Variants in CNTNAP4 observed in about 807,000 individuals in gnomAD.
CNTNAP4 encodes the protein contactin associated protein family member 4.
In CNTNAP4, 98 loss-of-function variants were observed where a neutral mutation model predicts 148.4. The ratio of observed to expected loss-of-function variants is 0.66; its 90% CI spans 0.56 to 0.78. The LOEUF (loss-of-function observed/expected upper bound fraction) is 0.78. Among genes scored for constraint, CNTNAP4 ranks in the 30% least tolerant of loss-of-function variants. CNTNAP4 has a pLI of 0.00. For synonymous variants in CNTNAP4, 730 were observed against 565.1 expected (o/e 1.29, Z -4.14); for missense variants, 1,935 against 1,565.6 (o/e 1.24, Z -3.98).
In CNTNAP4 at chr16:76,313,189, G is replaced by T. The variant is rs76453968; in HGVS notation, c.86-3224G>T. Among the ~76,000 whole-genome samples, 800 of 152,184 alleles carry T rather than the reference G, an allele frequency of 5.3e-3. 4 individuals carry two copies. The highest frequency in any genetic ancestry group is 0.013 in the African/African-American group (549 of 41,516). On this transcript the variant is annotated intron_variant, in intron 1 of 23. Transcript: ENST00000611870. ...GAACAATATTGATTCTTAATTTATA[G>T]TTGGCAAAAACAAATGAACAATAAA...
intron 13 of CNTNAP4, among the ~76,000 whole-genome samples, chr16:76,493,834 A>G (rs145013799): frequency 1.3e-5 from 2 of 152,306 alleles, no homozygotes; most frequent in East Asian, 3.9e-4. Context: ...CATGTATAGT[A>G]ACCCTGGGAG....
At chr16:76,421,690 GCTGA>G (rs67559674) in intron 3 of CNTNAP4, among the ~76,000 whole-genome samples, 55,843 of 151,726 alleles carry the variant, frequency 0.37, 10,418 homozygotes, top group Middle Eastern at 0.48. Context: ...CTGAATGTCA[GCTGA>G]CTATGTCAAA....
At chr16:76,289,575 C>A (rs765396922) in intron 1 of CNTNAP4, among the ~76,000 whole-genome samples, 14 of 146,178 alleles carry the variant, frequency 9.6e-5, no homozygotes, top group Admixed American at 2.7e-4. Context: ...CTTTTATTTT[C>A]CGCCTGTTTT....
At chr16:76,388,013 C>T (rs909504175) in intron 3 of CNTNAP4, among the ~76,000 whole-genome samples, 1 of 152,164 alleles carries the variant, frequency 6.6e-6, no homozygotes, top group Non-Finnish European at 1.5e-5. Flanking sequence ...TTGTCATTAA[C>T]GGGTGCTTGC....
chr16:76,464,126 A>G (rs1036557897), intron 9 of CNTNAP4, among the ~76,000 whole-genome samples: 4 of 152,138 alleles, frequency 2.6e-5, no homozygotes, highest in African/African-American at 9.7e-5. Flanking sequence ...TCTGCCCTGC[A>G]CTTCCCAGCC....
intron 8 of CNTNAP4, among the ~76,000 whole-genome samples, chr16:76,459,117 C>A (rs535652178): frequency 6.6e-6 from 1 of 152,258 alleles, no homozygotes; most frequent in East Asian, 1.9e-4. Flanking sequence ...TAGAGTCTTG[C>A]ACACAGGGCT....
chr16:76,346,520 G>T (rs1165094640), intron 2 of CNTNAP4, among the ~76,000 whole-genome samples: 4 of 151,388 alleles, frequency 2.6e-5, no homozygotes, highest in African/African-American at 9.7e-5. Flanking sequence ...TCCGATGCAT[G>T]ATGTCATTTA....
At chr16:76,401,483 A>C (rs1384382165) in intron 3 of CNTNAP4, among the ~76,000 whole-genome samples, 1 of 152,170 alleles carries the variant, frequency 6.6e-6, no homozygotes, top group Non-Finnish European at 1.5e-5. Context: ...GAATCATGTC[A>C]TCTGCAAACA....
chr16:76,500,592 T>G (rs1267111370), intron 15 of CNTNAP4, among the ~76,000 whole-genome samples: 1 of 82,178 alleles, frequency 1.2e-5, no homozygotes, highest in Non-Finnish European at 2.6e-5. Flanking sequence ...ATTTCACCTG[T>G]AAATCTCTTT....
At chr16:76,397,005 T>G (rs941235706) in intron 3 of CNTNAP4, among the ~76,000 whole-genome samples, 2 of 152,100 alleles carry the variant, frequency 1.3e-5, no homozygotes, top group African/African-American at 4.8e-5. Context: ...ACTCGATCAC[T>G]TGGGACTTAA....
At chr16:76,536,957 C>G (rs974722203) in intron 18 of CNTNAP4, among the ~76,000 whole-genome samples, 2 of 152,116 alleles carry the variant, frequency 1.3e-5, no homozygotes, top group Non-Finnish European at 2.9e-5. Flanking sequence ...TCCTGACTTA[C>G]AAAGAAAGCA....
At chr16:76,363,453 C>A (rs967194524) in intron 3 of CNTNAP4, among the ~76,000 whole-genome samples, 2 of 151,824 alleles carry the variant, frequency 1.3e-5, no homozygotes, top group African/African-American at 4.8e-5. Flanking sequence ...TGAGATACTG[C>A]GCCCAGCCTG....
intron 3 of CNTNAP4, among the ~76,000 whole-genome samples, chr16:76,418,578 A>G (rs2079071248): frequency 6.6e-6 from 1 of 151,494 alleles, no homozygotes; most frequent in Non-Finnish European, 1.5e-5. Flanking sequence ...TCTCGATTAC[A>G]TTACCCATCT....
intron 3 of CNTNAP4, among the ~76,000 whole-genome samples, chr16:76,396,666 G>A (rs541554588): frequency 6.6e-6 from 1 of 152,154 alleles, no homozygotes; most frequent in Non-Finnish European, 1.5e-5. Context: ...CTCACTCACA[G>A]CTGACAGTGG....
chr16:76,347,538 A>T (rs908853683), intron 2 of CNTNAP4, among the ~76,000 whole-genome samples: 1 of 152,202 alleles, frequency 6.6e-6, no homozygotes, highest in African/African-American at 2.4e-5. Flanking sequence ...AAAATGAAAA[A>T]GTGGTTCAGG....
At chr16:76,334,252 C>T (rs1326675300) in intron 2 of CNTNAP4, among the ~76,000 whole-genome samples, 1 of 150,548 alleles carries the variant, frequency 6.6e-6, no homozygotes, top group Non-Finnish European at 1.5e-5. Flanking sequence ...ATTTTTTTTT[C>T]AGCTTGTGGG....
At chr16:76,397,647 A>G (rs1178911152) in intron 3 of CNTNAP4, among the ~76,000 whole-genome samples, 1 of 151,942 alleles carries the variant, frequency 6.6e-6, no homozygotes. Context: ...ATTCTGATGC[A>G]TACTAAATAA....
intron 3 of CNTNAP4, among the ~76,000 whole-genome samples, chr16:76,366,053 A>C (rs79176324): frequency 0.14 from 21,338 of 151,940 alleles, 2,114 homozygotes; most frequent in East Asian, 0.47. Context: ...GTTGTCTTTT[A>C]TGTTTTAATT....
chr16:76,452,776 A>C lies in CNTNAP4; in HGVS notation c.1333+7A>C. On this transcript the variant is annotated splice_region_variant and intron_variant, in intron 8 of 23. Coordinates refer to ENST00000611870, the MANE Select transcript of CNTNAP4 (RefSeq NM_033401.5). ...CCCAGTGACATCACAGCAGGTAATA[A>C]ATGTATTCCCTGGGGCAAAGCATAT... The C allele has an allele frequency of 6.4e-7, 1 of 1,552,548 alleles. No homozygotes were observed.
Sources: gnomAD v4.1 joint callset for allele counts (sites outside exome capture counted in the v4.1 genomes callset) on GRCh38, gnomAD v4.1.1 for gene constraint, MANE v1.5 for transcripts, NCBI Gene and HGNC (gene_info 2026-07-23, HGNC 2026-07-21) for gene names.